The following NKAIN2 variants were observed in gnomAD, a reference collection of about 807,000 sequenced individuals.
The protein encoded by NKAIN2 is sodium/potassium-transporting ATPase subunit beta-1-interacting protein 2.
A neutral mutation model predicts 32.6 loss-of-function variants in NKAIN2; 14 were observed. That is an observed-to-expected ratio of 0.43 (90% CI 0.28 to 0.67). The LOEUF (loss-of-function observed/expected upper bound fraction) is 0.67, where lower values mean the gene tolerates loss of function less well. Ranked by LOEUF, NKAIN2 falls within the 30% of genes least tolerant of loss-of-function variation. NKAIN2 has a pLI of 0.17. For synonymous variants in NKAIN2, 80 were observed against 87.2 expected (o/e 0.92, Z 0.46); for missense variants, 198 against 258.3 (o/e 0.77, Z 1.60).
At chr6:124,804,813 C>T (rs1244096269) in intron 5 of NKAIN2, among the ~76,000 whole-genome samples, 1 of 152,200 alleles carries the variant, frequency 6.6e-6, no homozygotes, top group Non-Finnish European at 1.5e-5. Context: ...TTTTAACGGG[C>T]TTAAAAAATG....
At chr6:124,077,540 T>A (rs1171347142) in intron 1 of NKAIN2, among the ~76,000 whole-genome samples, 1 of 152,198 alleles carries the variant, frequency 6.6e-6, no homozygotes, top group Non-Finnish European at 1.5e-5. Context: ...GTTTAAAAAA[T>A]TTTATCAATG....
chr6:124,573,481 T>C (rs1781211840), intron 3 of NKAIN2, among the ~76,000 whole-genome samples: 1 of 152,140 alleles, frequency 6.6e-6, no homozygotes, highest in African/African-American at 2.4e-5. Context: ...TTATCTCTTT[T>C]TCTGGGTATT....
chr6:124,020,871 A>G (rs959283971), intron 1 of NKAIN2, among the ~76,000 whole-genome samples: 1 of 152,184 alleles, frequency 6.6e-6, no homozygotes, highest in Non-Finnish European at 1.5e-5. Context: ...ACATAAACAG[A>G]TGATCAAGAT....
chr6:123,811,711 G>A (rs56721972), intron 1 of NKAIN2, among the ~76,000 whole-genome samples: 5,830 of 151,996 alleles, frequency 0.038, 305 homozygotes, highest in African/African-American at 0.11. Flanking sequence ...TAACCTTTCA[G>A]AACAGTCCAT....
At chr6:123,934,394 C>T (rs1776405669) in intron 1 of NKAIN2, among the ~76,000 whole-genome samples, 1 of 152,058 alleles carries the variant, frequency 6.6e-6, no homozygotes, top group African/African-American at 2.4e-5. Context: ...AAACACATAT[C>T]AAAGCCTAAG....
At chr6:124,195,412 T>G (rs1034666440) in intron 1 of NKAIN2, among the ~76,000 whole-genome samples, 14 of 152,188 alleles carry the variant, frequency 9.2e-5, no homozygotes, top group Non-Finnish European at 1.9e-4. Flanking sequence ...GTTAGCTAAC[T>G]ATCCCCTGCT....
chr6:123,986,194 A>G (rs1194856335), intron 1 of NKAIN2, among the ~76,000 whole-genome samples: 1 of 152,236 alleles, frequency 6.6e-6, no homozygotes, highest in Non-Finnish European at 1.5e-5. Flanking sequence ...AGTCTAATAC[A>G]ACAGAGTAGC....
At chr6:124,414,330 T>C (rs562760400) in intron 3 of NKAIN2, among the ~76,000 whole-genome samples, 1 of 152,322 alleles carries the variant, frequency 6.6e-6, no homozygotes, top group African/African-American at 2.4e-5. Context: ...ATATTGACTT[T>C]TGAATTTTAA....
chr6:124,359,521 T>G (rs1799165838), intron 3 of NKAIN2, among the ~76,000 whole-genome samples: 1 of 152,194 alleles, frequency 6.6e-6, no homozygotes. Flanking sequence ...GGTATTTTAT[T>G]CTCTTTGAAG....
At chr6:124,632,981 G>T (rs1318009610) in intron 3 of NKAIN2, among the ~76,000 whole-genome samples, 1 of 152,150 alleles carries the variant, frequency 6.6e-6, no homozygotes, top group African/African-American at 2.4e-5. Flanking sequence ...GTCTTTTATG[G>T]TGCTGGGTAG....
chr6:124,536,300 C>A (rs1779712555), intron 3 of NKAIN2, among the ~76,000 whole-genome samples: 2 of 152,118 alleles, frequency 1.3e-5, no homozygotes, highest in South Asian at 4.1e-4. Flanking sequence ...TTTGTTTACC[C>A]CTTCAGCAGG....
chr6:123,907,342 A>G (rs867995554), intron 1 of NKAIN2, among the ~76,000 whole-genome samples: 3 of 152,148 alleles, frequency 2.0e-5, no homozygotes, highest in Non-Finnish European at 4.4e-5. Flanking sequence ...TTAAAATGTG[A>G]AGTTCTTTTA....
At chr6:124,548,557 G>A (rs746408111) in intron 3 of NKAIN2, among the ~76,000 whole-genome samples, 6 of 152,158 alleles carry the variant, frequency 3.9e-5, no homozygotes, top group African/African-American at 1.2e-4. Context: ...GATCCTTCAG[G>A]CAAGCGAAGA....
intron 3 of NKAIN2, among the ~76,000 whole-genome samples, chr6:124,356,256 T>G (rs911073383): frequency 3.9e-5 from 6 of 152,178 alleles, no homozygotes; most frequent in Non-Finnish European, 8.8e-5. Context: ...GAACTACCTT[T>G]GCCTTGTCAA....
intron 2 of NKAIN2, among the ~76,000 whole-genome samples, chr6:124,310,527 G>A (rs1470207599): frequency 6.6e-6 from 1 of 151,854 alleles, no homozygotes; most frequent in East Asian, 1.9e-4. Context: ...GTACCTCCCT[G>A]GGTTGTGATT....
At chr6:124,151,632 T>C (rs1378558120) in intron 1 of NKAIN2, among the ~76,000 whole-genome samples, 2 of 152,042 alleles carry the variant, frequency 1.3e-5, no homozygotes, top group Non-Finnish European at 2.9e-5. Flanking sequence ...CCACAAGCAA[T>C]GTGTGAGATT....
chr6:124,437,830 G>A (rs1044582726), intron 3 of NKAIN2: 2 of 394,756 alleles, frequency 5.1e-6, no homozygotes, highest in African/African-American at 4.3e-5. Flanking sequence ...CAACGCATGG[G>A]ATACGGTAGC....
At chr6:124,710,827 T>A (rs1312497401) in intron 4 of NKAIN2, among the ~76,000 whole-genome samples, 3 of 150,468 alleles carry the variant, frequency 2.0e-5, no homozygotes, top group Non-Finnish European at 3.0e-5. Context: ...TTAGTCCATT[T>A]ACATTTAAAG....
chr6:124,314,105 G>A (rs1271416210), intron 2 of NKAIN2, among the ~76,000 whole-genome samples: 1 of 152,100 alleles, frequency 6.6e-6, no homozygotes, highest in African/African-American at 2.4e-5. Flanking sequence ...GGGAGCACGG[G>A]TGGATTGGCT....
Sources: allele counts gnomAD v4.1 joint callset (sites outside exome capture counted in the v4.1 genomes callset), GRCh38; gene constraint gnomAD v4.1.1; transcripts MANE v1.5; gene names NCBI Gene and HGNC (gene_info 2026-07-23, HGNC 2026-07-21).